The following AKAP1 variants were observed in gnomAD, a reference collection of about 807,000 sequenced individuals.
AKAP1 encodes A-kinase anchor protein 1, mitochondrial.
Under a neutral mutation model 79.8 loss-of-function variants are expected in AKAP1, and 32 were observed. The ratio of observed to expected loss-of-function variants is 0.40; its 90% confidence interval spans 0.30 to 0.54. The LOEUF (loss-of-function observed/expected upper bound fraction) is 0.54. Ranked by LOEUF, AKAP1 falls within the 20% of genes least tolerant of loss-of-function variation. The pLI is 0.47. For missense variants in AKAP1, 961 were observed against 1,138.9 expected (o/e 0.84, Z 2.25); for synonymous variants, 416 against 466.7 (o/e 0.89, Z 1.40).
rs15944 is a variant in AKAP1, at chr17:57,120,887, A to T, written c.*563A>T. The stretch of plus-strand genomic sequence containing the variant: ...GACTTTTTAAATTGCAACTGTAAAT[A>T]TGAAATGGTCATCACATCTGACCTT... On this transcript the variant is annotated 3_prime_UTR_variant, in exon 11 of 11. Transcript: ENST00000337714. The T allele has an allele frequency of 0.048, 7,381 of 152,928 alleles. 274 individuals are homozygous for T. Among genetic ancestry groups the T allele is most frequent in the Admixed American group, 0.13 (1,923 of 15,318 alleles). The allele number at this position is 152,928 out of a possible 1,614,324, so 9.5% of individuals were successfully genotyped here.
At chr17:57,117,906 C>T (rs1488367304) in intron 8 of AKAP1, among the ~76,000 whole-genome samples, 3 of 152,190 alleles carry the variant, frequency 2.0e-5, no homozygotes, top group Non-Finnish European at 4.4e-5. Flanking sequence ...CCTTATTGGG[C>T]TGTGTGGCCA....
chr17:57,093,786 C>G (rs1173161797), intron 1 of AKAP1: 1 of 147,992 alleles, frequency 6.8e-6, no homozygotes, highest in Non-Finnish European at 1.5e-5. Flanking sequence ...CCATTACTTT[C>G]AATTCTTCCA....
At position 57,106,987 on chromosome 17, in the gene AKAP1, C is replaced by G; in HGVS notation, c.1523C>G (p.Ser508Ter). The change falls in exon 2 of 11, where the codon TCA (serine) becomes TGA (stop). Residue 508 changes from serine (S) to a stop codon, truncating the protein, a stop_gained. Coordinates refer to ENST00000337714, the MANE Select transcript of AKAP1 (RefSeq NM_003488.4). LOFTEE classifies it high-confidence loss of function. ...VPLVASPGHC[S>*]DSFSTSGLED... Reference sequence around the variant, plus strand: ...TTGGTGGCTTCTCCAGGACACTGCTCAGATTCTTTCAGCACTTCAGGGCTT... The same window carrying G: ...TTGGTGGCTTCTCCAGGACACTGCTGAGATTCTTTCAGCACTTCAGGGCTT... 2 of 1,614,194 alleles carry G rather than the reference C, an allele frequency of 1.2e-6. No homozygotes were observed. Among genetic ancestry groups the G allele is most frequent in the South Asian group, 1.1e-5 (1 of 91,084 alleles).
At chr17:57,105,195 G>A (rs1914765162) in intron 1 of AKAP1, among the ~76,000 whole-genome samples, 1 of 152,224 alleles carries the variant, frequency 6.6e-6, no homozygotes, top group African/African-American at 2.4e-5. Flanking sequence ...TGCTCGGTTT[G>A]TTTCAAGAGG....
chr17:57,087,190 A>G (rs1472030491), intron 1 of AKAP1, among the ~76,000 whole-genome samples: 2 of 152,212 alleles, frequency 1.3e-5, no homozygotes, highest in Non-Finnish European at 1.5e-5. Context: ...CTCTGTCTTC[A>G]TGCATGTTGT....
At chr17:57,107,680 G>A (rs187432545) in intron 2 of AKAP1, among the ~76,000 whole-genome samples, 11 of 151,604 alleles carry the variant, frequency 7.3e-5, no homozygotes, top group South Asian at 4.2e-4. Context: ...TTGTGTGTGC[G>A]TGTGTGTGTG....
chr17:57,107,867 A>G, intron 2 of AKAP1: 2 of 949,624 alleles, frequency 2.1e-6, no homozygotes, highest in South Asian at 2.7e-5. Flanking sequence ...ACAGCTTTGA[A>G]TACTTGTGGG....
intron 1 of AKAP1, among the ~76,000 whole-genome samples, chr17:57,091,645 A>G (rs1020539257): frequency 1.3e-5 from 2 of 151,860 alleles, no homozygotes; most frequent in African/African-American, 4.8e-5. Context: ...CCAGCAGGCA[A>G]TTTTTCAGGA....
intron 10 of AKAP1, 31 bp from the exon 11 acceptor site, chr17:57,120,219 A>T: frequency 6.2e-7 from 1 of 1,603,906 alleles, no homozygotes; most frequent in Non-Finnish European, 8.5e-7. Flanking sequence ...GATGCCATGG[A>T]CAAAAGCTTT....
chr17:57,110,058 G>C lies in AKAP1; in HGVS notation c.1748G>C (p.Ser583Thr). Reference sequence around the variant, plus strand: ...AGGAACAGCATGGATTCCGTGGATAGCTGTTGCAGTCTCAAGAAGACTGAG... The same window carrying C: ...AGGAACAGCATGGATTCCGTGGATACCTGTTGCAGTCTCAAGAAGACTGAG... ...SDRNSMDSVD[S>T]CCSLKKTESF... The change falls in exon 3 of 11, where the codon AGC (serine) becomes ACC (threonine). Residue 583 changes from serine (S) to threonine (T), a missense_variant. Ser to Thr is a moderately conservative substitution (Grantham distance 58). Transcript: ENST00000337714. 6.2e-7 allele frequency: 1 copy of C among 1,614,134 alleles called. No homozygotes were observed. Among genetic ancestry groups the C allele is most frequent in the Non-Finnish European group, 8.5e-7 (1 of 1,179,994 alleles).
chr17:57,112,294 A>G (rs767679519), intron 4 of AKAP1, among the ~76,000 whole-genome samples, 197 bp from the exon 5 acceptor site: 13 of 152,212 alleles, frequency 8.5e-5, no homozygotes, highest in Non-Finnish European at 1.8e-4. Flanking sequence ...AGCATGGATC[A>G]TAATGGCAGA....
intron 5 of AKAP1, 21 bp from the exon 6 acceptor site, chr17:57,114,438 G>T: frequency 1.9e-6 from 3 of 1,610,408 alleles, no homozygotes; most frequent in South Asian, 1.1e-5. Flanking sequence ...TTCAGTGACC[G>T]CTCCCCCTTC....
At position 57,105,488 on chromosome 17, in the gene AKAP1, C is replaced by A. The variant is rs200891998; in HGVS notation, c.24C>A (p.Leu8=). 19 of 1,614,036 alleles carry A rather than the reference C, an allele frequency of 1.2e-5. No homozygotes were observed. The African/African-American group carries it at 1.9e-4, about 16-fold the overall frequency. ...GGATGGCAATCCAGTTCCGTTCGCT[C>A]TTCCCCTTGGCATTGCCTGGGATGC... is the stretch of plus-strand genomic sequence containing the variant. The part of the protein sequence containing the change: MAIQFRS[L]FPLALPGMLA... The change falls in exon 2 of 11, where the codon CTC becomes CTA. Residue 8 remains leucine, a synonymous_variant. Transcript: ENST00000337714.
At chr17:57,109,128 A>G (rs1439865205) in intron 2 of AKAP1, among the ~76,000 whole-genome samples, 1 of 152,204 alleles carries the variant, frequency 6.6e-6, no homozygotes, top group African/African-American at 2.4e-5. Context: ...CAGGGTTTGG[A>G]GAAACCATGT....
chr17:57,085,383 G>T lies in AKAP1; in HGVS notation c.-40G>T. ...CGGACTCCGCATCCCGCACCCCGAT[G>T]GTAGCCGAGGAGCTGGTAGGTCGGG... is the stretch of plus-strand genomic sequence containing the variant. On this transcript the variant is annotated 5_prime_UTR_variant, in exon 1 of 11. It removes an upstream start codon present in the reference 5' UTR. Coordinates refer to ENST00000337714, the MANE Select transcript of AKAP1 (RefSeq NM_003488.4). 6.6e-6 allele frequency: 1 copy of T among 152,054 alleles called. No homozygotes were observed. Among genetic ancestry groups the T allele is most frequent in the South Asian group, 2.1e-4 (1 of 4,868 alleles). The allele number at this position is 152,054 out of a possible 1,614,324, so 9.4% of individuals were successfully genotyped here.
chr17:57,117,233 C>A (rs115585946), intron 8 of AKAP1, among the ~76,000 whole-genome samples: 2 of 152,162 alleles, frequency 1.3e-5, no homozygotes, highest in African/African-American at 4.8e-5. Flanking sequence ...GTCTTAGCCC[C>A]GGTGGTTGAG....
chr17:57,104,414 G>A (rs553686195), intron 1 of AKAP1, among the ~76,000 whole-genome samples: 23 of 152,340 alleles, frequency 1.5e-4, no homozygotes, highest in African/African-American at 4.8e-4. Context: ...CTGACCCCAC[G>A]ATGGTACAGA....
In AKAP1 at chr17:57,105,487, T is replaced by C. The variant is rs1415409535; in HGVS notation, c.23T>C (p.Leu8Pro). Reference protein sequence around the residue: MAIQFRSLFPLALPGMLA... With the variant: MAIQFRSPFPLALPGMLA... ...AGGATGGCAATCCAGTTCCGTTCGC[T>C]CTTCCCCTTGGCATTGCCTGGGATG... The change falls in exon 2 of 11, where the codon CTC becomes CCC. Residue 8 changes from leucine to proline, a missense_variant. By Grantham distance (98) the Leu-to-Pro change is moderately conservative (BLOSUM62 -3). This residue lies in a region of AKAP1 where 108 missense variants were observed against 147.6 expected (regional missense o/e 0.73). Transcript: ENST00000337714. The C allele has an allele frequency of 2.5e-6, 4 of 1,613,888 alleles. No homozygotes were observed. Among genetic ancestry groups the C allele is most frequent in the Non-Finnish European group, 3.4e-6 (4 of 1,179,958 alleles).
chr17:57,098,796 CTG>C (rs1452815408), intron 1 of AKAP1, among the ~76,000 whole-genome samples: 135 of 142,196 alleles, frequency 9.5e-4, no homozygotes, highest in African/African-American at 3.4e-3. Context: ...GAGTCTCACT[CTG>C]TTGCCCAGGC....
Sources: gnomAD v4.1 joint callset for allele counts (sites outside exome capture counted in the v4.1 genomes callset) on GRCh38, gnomAD v4.1.1 for gene constraint, gnomAD v4.1.1 regional missense constraint, MANE v1.5 for transcripts, NCBI Gene and HGNC (gene_info 2026-07-23, HGNC 2026-07-21) for gene names.